The following RTL4 variants were observed in gnomAD, a reference collection of about 807,000 sequenced individuals.
RTL4 encodes retrotransposon Gag like 4, also known as retrotransposon Gag-like protein 4.
RTL4 carries 4 observed loss-of-function variants against 5.3 expected under a neutral mutation model. The observed-to-expected ratio is 0.75, with a 90% CI of 0.37 to 1.72. The LOEUF is 1.72. Ranked by LOEUF, RTL4 falls within the 40% of genes most tolerant of loss-of-function variation. The pLI, the probability that RTL4 is intolerant of heterozygous loss-of-function variation, is 0.04. For missense variants in RTL4, 260 were observed against 227.1 expected, an observed-to-expected ratio of 1.14 and a Z score of -0.93; for synonymous variants, 98 against 87.3, an observed-to-expected ratio of 1.12 and a Z score of -0.68.
At chrX:112,158,394 G>A in the RTL4 span, among the ~76,000 whole-genome samples, 2 of 109,543 alleles carry the variant, frequency 1.8e-5, no homozygotes, top group African/African-American at 6.6e-5. Flanking sequence ...ACTGAGAGAC[G>A]ACTGCTATCC....
chrX:112,346,968 T>C, the RTL4 span, among the ~76,000 whole-genome samples: 17 of 111,839 alleles, frequency 1.5e-4, no homozygotes, highest in Admixed American at 4.8e-4. Flanking sequence ...TGAGGTAAAA[T>C]TCAGCAACCT....
the RTL4 span, among the ~76,000 whole-genome samples, chrX:112,342,237 A>G: frequency 9.0e-6 from 1 of 111,506 alleles, no homozygotes; most frequent in Admixed American, 9.6e-5. Flanking sequence ...AGGGTTAAAA[A>G]TATCATCTAA....
At chrX:112,395,777 T>C in the RTL4 span, among the ~76,000 whole-genome samples, 1 of 111,321 alleles carries the variant, frequency 9.0e-6, no homozygotes, top group Non-Finnish European at 1.9e-5. Flanking sequence ...AGTAATTATA[T>C]TGAGCCTCTT....
chrX:112,408,679 C>T, the RTL4 span, among the ~76,000 whole-genome samples: 1 of 111,135 alleles, frequency 9.0e-6, no homozygotes, highest in Admixed American at 9.6e-5. Flanking sequence ...GAACACCAAG[C>T]AGATTTAACC....
At chrX:112,286,941 C>T in the RTL4 span, among the ~76,000 whole-genome samples, 3 of 112,184 alleles carry the variant, frequency 2.7e-5, no homozygotes, top group South Asian at 7.4e-4. Flanking sequence ...CCTAAATTAT[C>T]TTACCACATT....
At chrX:112,126,518 G>A in the RTL4 span, among the ~76,000 whole-genome samples, 2 of 111,624 alleles carry the variant, frequency 1.8e-5, no homozygotes, top group African/African-American at 3.3e-5. Flanking sequence ...AGGATATAGA[G>A]AAAGAAGAGC....
the RTL4 span, among the ~76,000 whole-genome samples, chrX:112,088,634 A>G: frequency 1.8e-5 from 2 of 112,024 alleles, no homozygotes; most frequent in Non-Finnish European, 3.8e-5. Context: ...GGAACCACCA[A>G]ATTGTTTTCC....
the RTL4 span, among the ~76,000 whole-genome samples, chrX:112,238,006 G>A: frequency 1.8e-5 from 2 of 112,158 alleles, no homozygotes; most frequent in South Asian, 7.4e-4. Flanking sequence ...TCACTAACAT[G>A]GCTGCTACTA....
chrX:112,106,826 C>A, the RTL4 span, among the ~76,000 whole-genome samples: 1 of 111,643 alleles, frequency 9.0e-6, no homozygotes, highest in East Asian at 2.8e-4. Context: ...TGAGAAATGT[C>A]TTTTCTGGTC....
the RTL4 span, among the ~76,000 whole-genome samples, chrX:112,102,057 G>A: frequency 4.8e-4 from 53 of 110,749 alleles, no homozygotes; most frequent in African/African-American, 1.1e-3. Flanking sequence ...AGCCCCTCAG[G>A]GTGTCATACT....
At chrX:112,388,200 A>G in the RTL4 span, among the ~76,000 whole-genome samples, 1 of 111,588 alleles carries the variant, frequency 9.0e-6, no homozygotes. Context: ...TGCCTTCCAG[A>G]TTTGGCTTTT....
the RTL4 span, among the ~76,000 whole-genome samples, chrX:112,092,304 T>C: frequency 1.8e-5 from 2 of 112,109 alleles, no homozygotes; most frequent in South Asian, 7.4e-4. Context: ...CTCATTTGCT[T>C]GCTTTTGGGT....
At chrX:112,309,471 T>C in the RTL4 span, among the ~76,000 whole-genome samples, 23 of 110,679 alleles carry the variant, frequency 2.1e-4, 1 homozygote, top group Non-Finnish European at 4.0e-4. Context: ...CAGTATCTAA[T>C]AGAATGGACT....
the RTL4 span, among the ~76,000 whole-genome samples, chrX:112,106,556 A>T: frequency 1.8e-5 from 2 of 112,156 alleles, no homozygotes; most frequent in African/African-American, 6.5e-5. Context: ...GGATTACTGG[A>T]TCACATGGTG....
At chrX:112,322,565 A>G in the RTL4 span, among the ~76,000 whole-genome samples, 1 of 111,311 alleles carries the variant, frequency 9.0e-6, no homozygotes, top group Non-Finnish European at 1.9e-5. Context: ...GTAGAGATAT[A>G]TATACATGAA....
At chrX:112,432,082 A>G in the RTL4 span, among the ~76,000 whole-genome samples, 1 of 106,237 alleles carries the variant, frequency 9.4e-6, no homozygotes, top group African/African-American at 3.4e-5. Context: ...ATGGCTGCAT[A>G]GTATTCCATG....
At chrX:112,396,987 G>A in the RTL4 span, among the ~76,000 whole-genome samples, 1 of 111,771 alleles carries the variant, frequency 8.9e-6, no homozygotes, top group Non-Finnish European at 1.9e-5. Flanking sequence ...AATTGCATGA[G>A]TTTACATTGA....
the RTL4 span, among the ~76,000 whole-genome samples, chrX:112,176,159 A>G: frequency 9.0e-6 from 1 of 111,618 alleles, no homozygotes; most frequent in Non-Finnish European, 1.9e-5. Flanking sequence ...TAGGAATCCA[A>G]CTTACAAGGG....
the RTL4 span, among the ~76,000 whole-genome samples, chrX:112,303,657 A>G: frequency 1.1e-5 from 1 of 94,385 alleles, no homozygotes; most frequent in Non-Finnish European, 2.1e-5. Flanking sequence ...ACCTAATGCT[A>G]AATGATGAGT....
Sources: gnomAD v4.1 joint callset for allele counts (sites outside exome capture counted in the v4.1 genomes callset) on GRCh38, gnomAD v4.1.1 for gene constraint, MANE v1.5 for transcripts, NCBI Gene and HGNC (gene_info 2026-07-23, HGNC 2026-07-21) for gene names.